MED27: variants seen among roughly 807,000 people sequenced by gnomAD.
The protein encoded by MED27 is mediator of RNA polymerase II transcription subunit 27.
MED27 carries 30 observed loss-of-function variants against 38.2 expected under a neutral mutation model. The observed-to-expected ratio is 0.79, with a 90% CI of 0.59 to 1.07. The LOEUF (loss-of-function observed/expected upper bound fraction) is 1.07. MED27 is among the 50% of genes least tolerant of loss of function. The probability of loss-of-function intolerance (pLI) is 0.00; values close to 1 mark genes in which losing one functional copy is unlikely to be tolerated. For synonymous variants in MED27, 122 were observed against 153.5 expected, an observed-to-expected ratio of 0.79 and a Z score of 1.52; for missense variants, 289 against 397.5, an observed-to-expected ratio of 0.73 and a Z score of 2.32.
At chr9:132,009,980 G>A (rs952441587) in intron 3 of MED27, among the ~76,000 whole-genome samples, 1 of 152,170 alleles carries the variant, frequency 6.6e-6, no homozygotes, top group African/African-American at 2.4e-5. Context: ...TTTGTCAGAT[G>A]AGTAGATTGC....
At chr9:131,903,095 C>T (rs1235171035) in intron 4 of MED27, among the ~76,000 whole-genome samples, 3 of 152,148 alleles carry the variant, frequency 2.0e-5, no homozygotes, top group Non-Finnish European at 4.4e-5. Context: ...TGTATTAGTC[C>T]ATTTTCACAG....
At chr9:132,068,414 C>A (rs183496100) in intron 2 of MED27, among the ~76,000 whole-genome samples, 2 of 152,246 alleles carry the variant, frequency 1.3e-5, no homozygotes, top group Admixed American at 6.5e-5. Context: ...AAAATCAGAT[C>A]TCTACATTTT....
chr9:132,044,722 T>A (rs141260033), intron 2 of MED27, among the ~76,000 whole-genome samples: 22 of 152,366 alleles, frequency 1.4e-4, no homozygotes, highest in African/African-American at 4.8e-4. Flanking sequence ...CTCAATGCCA[T>A]GGCTGGAAAA....
intron 3 of MED27, among the ~76,000 whole-genome samples, chr9:131,947,527 T>C (rs1383976489): frequency 6.6e-6 from 1 of 152,234 alleles, no homozygotes; most frequent in Non-Finnish European, 1.5e-5. Context: ...CAAAACAGAA[T>C]GTGGAAGACA....
chr9:132,043,097 T>C (rs1458335679), intron 2 of MED27, among the ~76,000 whole-genome samples: 3 of 152,116 alleles, frequency 2.0e-5, no homozygotes, highest in Non-Finnish European at 4.4e-5. Flanking sequence ...AAAATCTATA[T>C]AGTTAAAACC....
chr9:131,987,603 G>C (rs1359306988), intron 3 of MED27, among the ~76,000 whole-genome samples: 1 of 152,158 alleles, frequency 6.6e-6, no homozygotes, highest in Non-Finnish European at 1.5e-5. Context: ...TATTAAGTCA[G>C]TCTTTAAGGT....
intron 4 of MED27, among the ~76,000 whole-genome samples, chr9:131,906,912 C>T (rs1457408439): frequency 6.6e-6 from 1 of 152,184 alleles, no homozygotes; most frequent in Non-Finnish European, 1.5e-5. Context: ...TTTCCCAGAA[C>T]TAAGGGTTCC....
intron 4 of MED27, among the ~76,000 whole-genome samples, chr9:131,933,976 G>A (rs762226029): frequency 4.6e-5 from 7 of 152,034 alleles, no homozygotes; most frequent in Non-Finnish European, 8.8e-5. Context: ...AAATCCATAC[G>A]CCTACAGTGA....
chr9:131,901,931 G>A (rs1829955626), intron 4 of MED27, among the ~76,000 whole-genome samples: 3 of 152,146 alleles, frequency 2.0e-5, no homozygotes. Flanking sequence ...TGAGTCGAAG[G>A]TCACTGGTTT....
intron 3 of MED27, among the ~76,000 whole-genome samples, chr9:131,956,874 G>C (rs1831115764): frequency 6.6e-6 from 1 of 151,194 alleles, no homozygotes; most frequent in African/African-American, 2.4e-5. Context: ...GACTAGAAGA[G>C]GGCAAAAGAT....
At chr9:132,023,210 CA>C (rs142894347) in intron 2 of MED27, among the ~76,000 whole-genome samples, 1 of 152,008 alleles carries the variant, frequency 6.6e-6, no homozygotes, top group African/African-American at 2.4e-5. Flanking sequence ...TTTTCCCCCC[CA>C]AAAGAAAACA....
intron 3 of MED27, among the ~76,000 whole-genome samples, chr9:131,961,495 ATGAG>A (rs1831213343): frequency 6.6e-6 from 1 of 152,242 alleles, no homozygotes; most frequent in Non-Finnish European, 1.5e-5. Flanking sequence ...TAGCTGTAGT[ATGAG>A]TATCAGCAGG....
chr9:131,972,038 T>C (rs1054903780), intron 3 of MED27, among the ~76,000 whole-genome samples: 8 of 152,232 alleles, frequency 5.3e-5, no homozygotes, highest in African/African-American at 1.9e-4. Context: ...AAAAAATCTA[T>C]GTTGGCACTT....
At chr9:131,926,234 C>A (rs1386626859) in intron 4 of MED27, among the ~76,000 whole-genome samples, 4 of 152,252 alleles carry the variant, frequency 2.6e-5, no homozygotes, top group Non-Finnish European at 4.4e-5. Context: ...GTGCCTAGAA[C>A]TATGCCTTTA....
At chr9:131,863,010 A>T (rs1328550741) in intron 7 of MED27, 53 bp downstream of exon 7, 1 of 1,506,796 alleles carries the variant, frequency 6.6e-7, no homozygotes, top group Non-Finnish European at 9.2e-7. Flanking sequence ...CCCTGTTCTC[A>T]CTTGAAGGGA....
chr9:132,041,363 C>T (rs1833206247), intron 2 of MED27, among the ~76,000 whole-genome samples: 1 of 152,244 alleles, frequency 6.6e-6, no homozygotes, highest in Admixed American at 6.5e-5. Flanking sequence ...TCCACTCTCA[C>T]ACCATCAGCT....
At chr9:131,904,523 T>G (rs1349166851) in intron 4 of MED27, among the ~76,000 whole-genome samples, 1 of 148,040 alleles carries the variant, frequency 6.8e-6, no homozygotes, top group African/African-American at 2.6e-5. Context: ...CTTTTCTTTT[T>G]TTTTTAAATA....
chr9:131,955,030 A>C (rs1831069490), intron 3 of MED27, among the ~76,000 whole-genome samples: 1 of 151,454 alleles, frequency 6.6e-6, no homozygotes, highest in African/African-American at 2.5e-5. Context: ...TTCCAAGTGC[A>C]CCTGGAACAC....
chr9:132,003,300 C>G lies in MED27; in HGVS notation c.479+11037G>C, dbSNP rs559920284. On this transcript the variant is annotated intron_variant, in intron 3 of 7. Coordinates refer to ENST00000292035, the MANE Select transcript of MED27 (RefSeq NM_004269.4). The surrounding 1 kb of genome is among the most constrained non-coding windows in gnomAD (Gnocchi z 4.2). ...GACTGCTTCTGCAGGCTGCCACATT[C>G]AACTTAGTGCTTAATGGCCAGGTTC... 9.8e-5 allele frequency among the ~76,000 whole-genome samples: 15 copies of G among 152,354 alleles called. No individual in the cohort carries two copies. In the East Asian group the frequency reaches 2.7e-3, roughly 27 times the overall value.
Sources: gnomAD v4.1 joint callset for allele counts (sites outside exome capture counted in the v4.1 genomes callset) on GRCh38, gnomAD v4.1.1 for gene constraint, Gnocchi (gnomAD v3.1) non-coding constraint, MANE v1.5 for transcripts, NCBI Gene and HGNC (gene_info 2026-07-23, HGNC 2026-07-21) for gene names.